Variants in POLR3A observed in about 807,000 individuals in gnomAD.
POLR3A encodes RNA polymerase III subunit A.
POLR3A carries 112 observed loss-of-function variants against 152.8 expected under a neutral mutation model. The observed-to-expected ratio is 0.73, with a 90% confidence interval of 0.63 to 0.86. The LOEUF (loss-of-function observed/expected upper bound fraction) is 0.86. POLR3A is among the 40% of genes least tolerant of loss of function. POLR3A has a pLI of 0.00. For synonymous variants in POLR3A, 615 were observed against 652.1 expected (o/e 0.94, Z 0.87); for missense variants, 1,385 against 1,743.1 (o/e 0.79, Z 3.66).
At chr10:77,990,982 C>T in intron 21 of POLR3A, 72 bp downstream of exon 21, 2 of 847,560 alleles carry the variant, frequency 2.4e-6, no homozygotes, top group Non-Finnish European at 4.0e-6. Flanking sequence ...AATCCACTTG[C>T]CAGCCCTTGG....
At chr10:78,001,579 A>G (rs1340936794) in intron 17 of POLR3A, among the ~76,000 whole-genome samples, 1 of 152,214 alleles carries the variant, frequency 6.6e-6, no homozygotes, top group African/African-American at 2.4e-5. Context: ...GTACAGAAAT[A>G]GAAGCACAGA....
At position 78,009,641 on chromosome 10, in the gene POLR3A, C is replaced by T; in HGVS notation, c.1805G>A (p.Ser602Asn). Residue 602 changes from serine (S) to asparagine (N), a missense_variant, in exon 14 of 31, where the codon AGT (serine) becomes AAT (asparagine). Around this residue, in one of 7 missense-constraint regions of POLR3A, gnomAD observed 188 missense variants for 179.9 expected, o/e 1.04. Coordinates refer to ENST00000372371, the MANE Select transcript of POLR3A (RefSeq NM_007055.4). ...GTCATCGCTAGGCCTGAGGATGACA[C>T]TGAAGATCTGCTTTCCCGTCCACAG... is the stretch of plus-strand genomic sequence containing the variant. ...VTLWTGKQIF[S>N]VILRPSDDNP... 6.2e-7 allele frequency: 1 copy of T among 1,614,170 alleles called. No homozygotes were observed. Among genetic ancestry groups the T allele is most frequent in the South Asian group, 1.1e-5 (1 of 91,082 alleles).
intron 21 of POLR3A, among the ~76,000 whole-genome samples, chr10:77,989,006 T>C (rs540442268): frequency 2.0e-5 from 3 of 152,290 alleles, no homozygotes; most frequent in Admixed American, 1.3e-4. Context: ...GCACTGGGAA[T>C]GACATAGCTC....
Position 78,010,490 on chromosome 10 carries a change from A to T in POLR3A, c.1623T>A (p.Ala541=), listed in dbSNP as rs746857582. ...TPRNGEPLIA[A]IQDFLTGAYL... is the part of the protein sequence containing the mutation. ...ACCTACCTGTTAGAAAATCCTGAAT[A>T]GCAGCAATCAGCGGTTCCCCATTCC... Residue 541 remains alanine, a synonymous_variant, in exon 12 of 31, where the codon GCT becomes GCA. Transcript: ENST00000372371. 6.2e-7 allele frequency: 1 copy of T among 1,614,006 alleles called. No homozygotes were observed.
chr10:78,002,638 C>T (rs986994362), intron 16 of POLR3A, among the ~76,000 whole-genome samples: 4 of 152,112 alleles, frequency 2.6e-5, no homozygotes, highest in Non-Finnish European at 5.9e-5. Context: ...CTCAAGTGAT[C>T]CTCCTGCCCC....
Position 77,977,398 on chromosome 10 carries a change from A to T in POLR3A, c.*80T>A. On this transcript the variant is annotated 3_prime_UTR_variant, in exon 31 of 31. Transcript: ENST00000372371. ...GTGGGGACCTCAGGACCCCCGTCCC[A>T]GGGAGCACAAAACTCTTTATACATC... The T allele has an allele frequency of 6.7e-7, 1 of 1,489,818 alleles. No homozygotes were observed. 92.3% of individuals were successfully genotyped at this position (1,489,818 alleles called of 1,614,324 possible). A position where few individuals can be genotyped will look rare whatever the true frequency, so the allele number is the denominator to read the frequency against.
At position 78,021,837 on chromosome 10, in the gene POLR3A, T is replaced by C. The variant is rs748322331; in HGVS notation, c.1048+23A>G. The C allele has an allele frequency of 1.1e-5, 18 of 1,613,016 alleles. 1 individual carries two copies. In the East Asian group the frequency reaches 4.0e-4, roughly 36 times the overall value. ...GAACCAAAGAGAGTGGGCTGGCTTC[T>C]GCACATCTTGTGGGAAACCTACCCT... On this transcript the variant is annotated intron_variant, in intron 7 of 30. Transcript: ENST00000372371.
At chr10:78,000,813 T>C (rs966024687) in intron 18 of POLR3A, among the ~76,000 whole-genome samples, 163 bp downstream of exon 18, 1 of 152,232 alleles carries the variant, frequency 6.6e-6, no homozygotes, top group African/African-American at 2.4e-5. Context: ...CATGAGACAC[T>C]GTGCCCGGCC....
chr10:78,018,867 T>G (rs1394114851), intron 9 of POLR3A, among the ~76,000 whole-genome samples: 1 of 152,190 alleles, frequency 6.6e-6, no homozygotes, highest in East Asian at 1.9e-4. Context: ...ATTAAAGGTG[T>G]GAGCCACCAA....
chr10:78,025,416 C>T (rs977074316), intron 3 of POLR3A, among the ~76,000 whole-genome samples: 5 of 152,134 alleles, frequency 3.3e-5, no homozygotes, highest in Admixed American at 6.5e-5. Context: ...TTTAAGAACA[C>T]GTATCTACCA....
chr10:77,989,461 G>A (rs1331735794), intron 21 of POLR3A, among the ~76,000 whole-genome samples: 3 of 152,162 alleles, frequency 2.0e-5, no homozygotes, highest in Non-Finnish European at 4.4e-5. Flanking sequence ...AGCTGCCGGT[G>A]GCAAGGACAT....
At chr10:77,981,583 G>A (rs775821377) in intron 28 of POLR3A, 24 bp from the exon 29 acceptor site, 1 of 1,613,812 alleles carries the variant, frequency 6.2e-7, no homozygotes, top group Non-Finnish European at 8.5e-7. Context: ...GTAATGAGCA[G>A]AAGCAGCCCC....
chr10:77,978,965 G>A (rs797019058), intron 30 of POLR3A, among the ~76,000 whole-genome samples: 3 of 151,548 alleles, frequency 2.0e-5, no homozygotes, highest in Non-Finnish European at 2.9e-5. Context: ...CCCGGCCCAC[G>A]CTTGTTTTTT....
Position 78,025,146 on chromosome 10 carries a change from T to C in POLR3A, c.319-4A>G. On this transcript the variant is annotated splice_region_variant and splice_polypyrimidine_tract_variant and intron_variant, in intron 3 of 30. Coordinates refer to ENST00000372371, the MANE Select transcript of POLR3A (RefSeq NM_007055.4). Reference sequence around the variant, plus strand: ...GGCAGCAGGTTTTGCAGATCATCTTTTTCAAATTAAGCAAGACAGATAAAA... The same window carrying C: ...GGCAGCAGGTTTTGCAGATCATCTTCTTCAAATTAAGCAAGACAGATAAAA... 1 of 1,614,162 alleles carries C rather than the reference T, an allele frequency of 6.2e-7. No homozygotes were observed.
intron 5 of POLR3A, among the ~76,000 whole-genome samples, chr10:78,023,362 A>T (rs1298174480): frequency 6.6e-6 from 1 of 152,124 alleles, no homozygotes; most frequent in Admixed American, 6.5e-5. Context: ...CGGGAGGCTG[A>T]GGCAAAAGAA....
chr10:78,015,533 G>A (rs747836285), intron 10 of POLR3A, among the ~76,000 whole-genome samples: 21 of 152,054 alleles, frequency 1.4e-4, no homozygotes, highest in Non-Finnish European at 2.8e-4. Context: ...TCATTATGCT[G>A]TCCAGGCTGG....
intron 10 of POLR3A, among the ~76,000 whole-genome samples, chr10:78,014,667 T>G (rs1198487468): frequency 6.6e-6 from 1 of 152,124 alleles, no homozygotes; most frequent in Non-Finnish European, 1.5e-5. Context: ...CCTCCCAAAG[T>G]GCTGGCATTA....
chr10:77,985,840 A>G, intron 23 of POLR3A, 63 bp downstream of exon 23: 1 of 1,220,548 alleles, frequency 8.2e-7, no homozygotes, highest in Non-Finnish European at 1.2e-6. Context: ...ACACATGGGG[A>G]AACAGAAGGG....
chr10:77,986,011 A>T (rs1241615372), intron 22 of POLR3A, 26 bp from the exon 23 acceptor site: 1 of 1,610,060 alleles, frequency 6.2e-7, no homozygotes, highest in East Asian at 2.2e-5. Context: ...CCAAGCACAG[A>T]GTTAGGGCCA....
Sources: allele counts gnomAD v4.1 joint callset (sites outside exome capture counted in the v4.1 genomes callset), GRCh38; gene constraint gnomAD v4.1.1; regional missense constraint gnomAD v4.1.1; transcripts MANE v1.5; gene names NCBI Gene and HGNC (gene_info 2026-07-23, HGNC 2026-07-21).